ANXA11: variants seen among roughly 807,000 people sequenced by gnomAD.
The protein encoded by ANXA11 is 56 kDa autoantigen.
Under a neutral mutation model 64.7 loss-of-function variants are expected in ANXA11, and 57 were observed. The observed-to-expected ratio is 0.88, with a 90% CI of 0.71 to 1.10. The LOEUF (loss-of-function observed/expected upper bound fraction) is 1.10. Ranked by LOEUF, ANXA11 falls within the 50% of genes least tolerant of loss-of-function variation. The pLI, the probability that ANXA11 is intolerant of heterozygous loss-of-function variation, is 0.00. For missense variants in ANXA11, 675 were observed against 670.7 expected (o/e 1.01, Z -0.07); for synonymous variants, 260 against 265.2 (o/e 0.98, Z 0.19).
rs748146883 is a variant in ANXA11, at chr10:80,166,038, GCGCGCACACACA to G, written c.858+34_858+45del. Reference sequence around the variant, plus strand: ...CACGCATGCGCGCGTGCGCACACACGCGCGCACACACACACACACACACACACACACACACAC... The same window carrying G: ...CACGCATGCGCGCGTGCGCACACACGCACACACACACACACACACACACAC... On this transcript the variant is annotated intron_variant, in intron 8 of 15. Coordinates refer to ENST00000422982, the MANE Select transcript of ANXA11 (RefSeq NM_145868.2). 7.2e-6 allele frequency: 4 copies of G among 557,442 alleles called. No homozygotes were observed. In the African/African-American group the frequency reaches 7.7e-5, roughly 11 times the overall value. The allele number at this position is 557,442 out of a possible 1,614,324, so 34.5% of individuals were successfully genotyped here. A position where few individuals can be genotyped will look rare whatever the true frequency, so the allele number is the denominator to read the frequency against.
At chr10:80,196,694 C>A (rs1840185180) in intron 1 of ANXA11, among the ~76,000 whole-genome samples, 1 of 152,212 alleles carries the variant, frequency 6.6e-6, no homozygotes, top group Non-Finnish European at 1.5e-5. Flanking sequence ...GCCAGCCAGC[C>A]TCAGGGCAGC....
chr10:80,167,139 C>T, intron 6 of ANXA11, 87 bp downstream of exon 6: 10 of 1,421,594 alleles, frequency 7.0e-6, no homozygotes, highest in Non-Finnish European at 9.9e-6. Context: ...CAGCGTCCCC[C>T]AGCTACCCCA....
At chr10:80,192,335 C>T (rs1234548005) in intron 1 of ANXA11, among the ~76,000 whole-genome samples, 1 of 152,074 alleles carries the variant, frequency 6.6e-6, no homozygotes, top group Non-Finnish European at 1.5e-5. Context: ...TTCATATAGA[C>T]AGCAAAGGGT....
chr10:80,178,669 C>T (rs1047206529), intron 1 of ANXA11, among the ~76,000 whole-genome samples: 1 of 152,242 alleles, frequency 6.6e-6, no homozygotes, highest in African/African-American at 2.4e-5. Flanking sequence ...CTGGGCCCCA[C>T]CTCCAGAGTC....
chr10:80,166,042 GCACA>G (rs56904277), intron 8 of ANXA11, 38 bp downstream of exon 8: 1,046 of 451,026 alleles, frequency 2.3e-3, no homozygotes, highest in Non-Finnish European at 3.0e-3. Flanking sequence ...ACACACGCGC[GCACA>G]CACACACACA....
chr10:80,205,481 C>T lies in ANXA11; in HGVS notation c.-196G>A, dbSNP rs928661090. On this transcript the variant is annotated 5_prime_UTR_variant, in exon 1 of 16. In the 5' UTR this introduces an upstream ATG that the reference lacks. Coordinates refer to ENST00000422982, the MANE Select transcript of ANXA11 (RefSeq NM_145868.2). ...TCCCGCTCGCGGGGCCCGCGGGGCACTCGGGGCACTGGGGAGCCGCGGGCG... is the reference window on the plus strand; with the variant it reads ...TCCCGCTCGCGGGGCCCGCGGGGCATTCGGGGCACTGGGGAGCCGCGGGCG... 3.9e-5 allele frequency: 6 copies of T among 151,976 alleles called. No homozygotes were observed. Among genetic ancestry groups the T allele is most frequent in the African/African-American group, 1.4e-4 (6 of 41,394 alleles). 9.4% of individuals were successfully genotyped at this position (151,976 alleles called of 1,614,324 possible).
At position 80,167,253 on chromosome 10, in the gene ANXA11, C is replaced by G. The variant is rs776582676; in HGVS notation, c.622G>C (p.Val208Leu). ...AAGCCTTTCATGGCCTTCCGCAGGA[C>G]CTCGGCATCTCGCAGGGGGTCAAAG... ...PGFDPLRDAEVLRKAMKGFGT... is the reference protein window; with the variant it reads ...PGFDPLRDAELLRKAMKGFGT... Residue 208 changes from valine (V) to leucine (L), a missense_variant, in exon 6 of 16, where the codon GTC becomes CTC. Coordinates refer to ENST00000422982, the MANE Select transcript of ANXA11 (RefSeq NM_145868.2). 7 of 1,614,200 alleles carry G rather than the reference C, an allele frequency of 4.3e-6. No individual in the cohort carries two copies. The East Asian group carries it at 1.3e-4, about 31-fold the overall frequency.
rs571630404 is a variant in ANXA11, at chr10:80,199,669, CAAAAT to C, written c.-58+5669_-58+5673del. On this transcript the variant is annotated intron_variant, in intron 1 of 15. Coordinates refer to ENST00000422982, the MANE Select transcript of ANXA11 (RefSeq NM_145868.2). ...AAAAATACAAAAATTAGTCTGGTCT[CAAAAT>C]AAATAAAAATGAAAAAATATGTAAA... Among the ~76,000 whole-genome samples the C allele has an allele frequency of 5.1e-4, 77 of 151,888 alleles. 3 individuals are homozygous for C. In the South Asian group the frequency reaches 6.5e-3, roughly 13 times the overall value.
chr10:80,189,147 G>T (rs1169978892), intron 1 of ANXA11, among the ~76,000 whole-genome samples: 1 of 152,216 alleles, frequency 6.6e-6, no homozygotes. Context: ...ATCCGGGTGG[G>T]CCCAATCCAG....
chr10:80,166,726 C>A, intron 7 of ANXA11, 164 bp downstream of exon 7: 5 of 630,186 alleles, frequency 7.9e-6, no homozygotes, highest in Non-Finnish European at 1.4e-5. Context: ...GCATCCTTCA[C>A]CTCCCAACGA....
At chr10:80,171,356 C>T in intron 3 of ANXA11, 1 of 666,034 alleles carries the variant, frequency 1.5e-6, no homozygotes, top group Non-Finnish European at 1.9e-6. Flanking sequence ...TGGCTGTTTG[C>T]TATTACAAGT....
chr10:80,171,071 G>GA (rs1845956076), intron 3 of ANXA11, 156 bp from the exon 4 acceptor site: 1 of 1,521,518 alleles, frequency 6.6e-7, no homozygotes, highest in Admixed American at 2.0e-5. Context: ...ACACCAGGAG[G>GA]AAAGTCTCCC....
intron 1 of ANXA11, among the ~76,000 whole-genome samples, chr10:80,184,014 T>C (rs1846447402): frequency 1.3e-5 from 2 of 152,202 alleles, no homozygotes; most frequent in South Asian, 4.1e-4. Flanking sequence ...TGATTAATAA[T>C]GGTCGACTTT....
At chr10:80,200,230 C>G (rs1414070606) in intron 1 of ANXA11, among the ~76,000 whole-genome samples, 1 of 152,198 alleles carries the variant, frequency 6.6e-6, no homozygotes, top group Non-Finnish European at 1.5e-5. Context: ...ACTAACCGCT[C>G]CATGTGAGCC....
chr10:80,200,585 T>A (rs1221403670), intron 1 of ANXA11, among the ~76,000 whole-genome samples: 1 of 152,222 alleles, frequency 6.6e-6, no homozygotes, highest in Non-Finnish European at 1.5e-5. Flanking sequence ...GTTTTTGTTA[T>A]ACCTCTCAGA....
At chr10:80,180,590 G>C (rs959787845) in intron 1 of ANXA11, among the ~76,000 whole-genome samples, 1 of 151,506 alleles carries the variant, frequency 6.6e-6, no homozygotes, top group African/African-American at 2.4e-5. Context: ...TTCATGGAGT[G>C]ATTTTCCACT....
chr10:80,201,273 TAC>T (rs1370818109), intron 1 of ANXA11, among the ~76,000 whole-genome samples: 26 of 152,274 alleles, frequency 1.7e-4, no homozygotes, highest in Non-Finnish European at 2.9e-5. Context: ...GCCCCTGGGA[TAC>T]AACTCTGTCC....
At position 80,155,588 on chromosome 10, in the gene ANXA11, T is replaced by C. The variant is rs1589410090; in HGVS notation, c.*265A>G. ...CTTAGCCACAGGCAAAGGGGAATGA[T>C]TGCATGAGTCAGAAAAATGAAACAT... On this transcript the variant is annotated 3_prime_UTR_variant, in exon 16 of 16. Transcript: ENST00000422982. 4.1e-6 allele frequency: 2 copies of C among 487,684 alleles called. No homozygotes were observed. Among genetic ancestry groups the C allele is most frequent in the Non-Finnish European group, 3.6e-6 (1 of 276,048 alleles). 30.2% of individuals were successfully genotyped at this position (487,684 alleles called of 1,614,324 possible).
At chr10:80,200,286 G>T (rs1420070275) in intron 1 of ANXA11, among the ~76,000 whole-genome samples, 1 of 152,176 alleles carries the variant, frequency 6.6e-6, no homozygotes, top group Non-Finnish European at 1.5e-5. Flanking sequence ...TCTGATGCCT[G>T]CATTTAAATT....
Sources: allele counts gnomAD v4.1 joint callset (sites outside exome capture counted in the v4.1 genomes callset), GRCh38; gene constraint gnomAD v4.1.1; transcripts MANE v1.5; gene names NCBI Gene and HGNC (gene_info 2026-07-23, HGNC 2026-07-21).